Variants in SLC24A2 observed in about 807,000 individuals in gnomAD.
The protein encoded by SLC24A2 is solute carrier family 24 member 2, also known as sodium/potassium/calcium exchanger 2.
Under a neutral mutation model 62.0 loss-of-function variants are expected in SLC24A2, and 36 were observed. The observed-to-expected ratio is 0.58, with a 90% CI of 0.44 to 0.77. The LOEUF (loss-of-function observed/expected upper bound fraction) is 0.77. Among genes scored for constraint, SLC24A2 ranks in the 30% least tolerant of loss-of-function variants. SLC24A2 has a pLI of 0.00. For missense variants in SLC24A2, 846 were observed against 817.9 expected, an observed-to-expected ratio of 1.03 and a Z score of -0.42; for synonymous variants, 358 against 294.0, an observed-to-expected ratio of 1.22 and a Z score of -2.23.
chr9:19,593,447 G>T (rs1197507897), intron 5 of SLC24A2, among the ~76,000 whole-genome samples: 2 of 152,154 alleles, frequency 1.3e-5, no homozygotes, highest in Admixed American at 6.5e-5. Flanking sequence ...GCATCTTAGG[G>T]CTGAGGGAGA....
At chr9:19,713,836 G>C (rs1820784677) in intron 2 of SLC24A2, among the ~76,000 whole-genome samples, 1 of 151,958 alleles carries the variant, frequency 6.6e-6, no homozygotes, top group African/African-American at 2.4e-5. Flanking sequence ...AAGAATACTA[G>C]ATGAATTTAT....
intron 2 of SLC24A2, among the ~76,000 whole-genome samples, chr9:19,701,627 A>G (rs1820358806): frequency 6.6e-6 from 1 of 152,242 alleles, no homozygotes; most frequent in Non-Finnish European, 1.5e-5. Context: ...AGGTTTGAAG[A>G]CAGTACACTA....
chr9:19,795,084 A>G, the SLC24A2 span, among the ~76,000 whole-genome samples: 2 of 152,190 alleles, frequency 1.3e-5, no homozygotes, highest in African/African-American at 4.8e-5. Context: ...TACTTGTTTT[A>G]TTCAATTCAT....
the SLC24A2 span, among the ~76,000 whole-genome samples, chr9:19,907,983 ACTT>A: frequency 6.6e-6 from 1 of 152,328 alleles, no homozygotes; most frequent in South Asian, 2.1e-4. Flanking sequence ...GGAAAAAACT[ACTT>A]TAAAGTTCAT....
chr9:20,101,705 T>C, the SLC24A2 span, among the ~76,000 whole-genome samples: 2 of 152,104 alleles, frequency 1.3e-5, no homozygotes, highest in African/African-American at 4.8e-5. Flanking sequence ...TTATAACTGC[T>C]GATGACTTCA....
the SLC24A2 span, among the ~76,000 whole-genome samples, chr9:20,291,604 A>G: frequency 0.14 from 20,654 of 152,184 alleles, 1,736 homozygotes; most frequent in South Asian, 0.27. Context: ...CTTCACCCTT[A>G]TGATGACCCC....
intron 9 of SLC24A2, among the ~76,000 whole-genome samples, chr9:19,527,009 T>A (rs1833475644): frequency 6.6e-6 from 1 of 152,192 alleles, no homozygotes; most frequent in Non-Finnish European, 1.5e-5. Context: ...TGCTTTCAGT[T>A]AAATTTTATG....
rs10811217 is a variant in SLC24A2 at position 19,599,102 on chromosome 9, T to C, written c.1079-1823A>G. On this transcript the variant is annotated intron_variant, in intron 4 of 10. Coordinates refer to ENST00000341998, the MANE Select transcript of SLC24A2 (RefSeq NM_020344.4). This position sits in a 1 kb window ranked among gnomAD's most constrained non-coding sequence, Gnocchi z 4.5. Reference sequence around the variant, plus strand: ...CTGTATGCACACACTTATTTTCACATATCAATCCCAACTTTCAAATATCTG... The same window carrying C: ...CTGTATGCACACACTTATTTTCACACATCAATCCCAACTTTCAAATATCTG... Among the ~76,000 whole-genome samples the C allele has an allele frequency of 0.12, 18,055 of 152,312 alleles. 1,138 individuals carry two copies. The highest frequency in any genetic ancestry group is 0.14 in the African/African-American group (5,838 of 41,566).
chr9:20,305,949 C>G, the SLC24A2 span, among the ~76,000 whole-genome samples: 1 of 152,282 alleles, frequency 6.6e-6, no homozygotes, highest in East Asian at 1.9e-4. Context: ...TCTGCCTTCA[C>G]GTGGTCTTTT....
the SLC24A2 span, among the ~76,000 whole-genome samples, chr9:20,052,522 G>A: frequency 4.6e-5 from 7 of 152,204 alleles, no homozygotes; most frequent in Middle Eastern, 3.4e-3. Context: ...TTCTGTTCCC[G>A]TTTTTTCCAT....
At chr9:19,520,800 G>T in intron 10 of SLC24A2, 94 bp downstream of exon 10, 2 of 1,178,634 alleles carry the variant, frequency 1.7e-6, no homozygotes, top group East Asian at 4.7e-5. Flanking sequence ...GTTAGTCTTA[G>T]GTTCAGAGAT....
At chr9:19,635,598 C>T (rs1297574749) in intron 2 of SLC24A2, among the ~76,000 whole-genome samples, 2 of 152,114 alleles carry the variant, frequency 1.3e-5, no homozygotes, top group African/African-American at 4.8e-5. Context: ...AAAACCCAGT[C>T]CCAAAGTGAA....
Position 19,786,350 on chromosome 9 carries a change from C to G in SLC24A2, c.517G>C (p.Asp173His). ...GCCATGAAGGTGGCTCCAGCCACAT[C>G]ATCAGAGATGCCCAGTTTTTCAGTG... The part of the protein sequence containing the change: ...VITEKLGISD[D>H]VAGATFMAAG... The change falls in exon 2 of 11, where the codon GAT (aspartate) becomes CAT (histidine). Residue 173 changes from aspartate (D) to histidine (H), a missense_variant. Asp to His is a moderately conservative substitution (Grantham distance 81, BLOSUM62 -1). Transcript: ENST00000341998. The surrounding 1 kb of genome is among the most constrained non-coding windows in gnomAD (Gnocchi z 5.0). 6.2e-7 allele frequency: 1 copy of G among 1,614,202 alleles called. No individual in the cohort carries two copies.
intron 2 of SLC24A2, among the ~76,000 whole-genome samples, chr9:19,643,711 T>G (rs903078525): frequency 2.6e-5 from 4 of 152,244 alleles, no homozygotes; most frequent in African/African-American, 9.6e-5. Context: ...TGTATGCCTC[T>G]CCAGTCTGCA....
chr9:20,277,186 C>T, the SLC24A2 span, among the ~76,000 whole-genome samples: 1 of 152,204 alleles, frequency 6.6e-6, no homozygotes, highest in Non-Finnish European at 1.5e-5. Context: ...ACAAAGACTT[C>T]ATGACTAAAA....
chr9:19,831,677 G>A, the SLC24A2 span, among the ~76,000 whole-genome samples: 1 of 152,120 alleles, frequency 6.6e-6, no homozygotes, highest in East Asian at 1.9e-4. Flanking sequence ...ATTATTCAGT[G>A]ATTCAGAGAC....
intron 7 of SLC24A2, among the ~76,000 whole-genome samples, chr9:19,567,554 A>AG: frequency 8.3e-6 from 1 of 119,776 alleles, no homozygotes; most frequent in African/African-American, 2.8e-5. Context: ...CAAAAAAAAA[A>AG]AAAAAAAAAA....
chr9:20,024,870 G>T, the SLC24A2 span, among the ~76,000 whole-genome samples: 1 of 152,028 alleles, frequency 6.6e-6, no homozygotes, highest in Non-Finnish European at 1.5e-5. Context: ...TCAGTTTGTG[G>T]ACATCTGTTG....
chr9:20,021,006 T>G, the SLC24A2 span, among the ~76,000 whole-genome samples: 2 of 152,166 alleles, frequency 1.3e-5, no homozygotes, highest in South Asian at 4.1e-4. Flanking sequence ...TCATATACAC[T>G]CATATGCTTT....
Sources: allele counts gnomAD v4.1 joint callset (sites outside exome capture counted in the v4.1 genomes callset), GRCh38; gene constraint gnomAD v4.1.1; non-coding constraint Gnocchi (gnomAD v3.1); transcripts MANE v1.5; gene names NCBI Gene and HGNC (gene_info 2026-07-23, HGNC 2026-07-21).